Variants in AVEN observed in about 807,000 individuals in gnomAD.
AVEN encodes the protein apoptosis and caspase activation inhibitor.
Under a neutral mutation model 38.1 loss-of-function variants are expected in AVEN, and 41 were observed. That is an observed-to-expected ratio of 1.08 (90% CI 0.84 to 1.40). AVEN has a LOEUF of 1.40. Ranked by LOEUF, AVEN falls within the 40% of genes most tolerant of loss-of-function variation. The probability of loss-of-function intolerance (pLI) is 0.00; values close to 1 mark genes in which losing one functional copy is unlikely to be tolerated. For missense variants in AVEN, 605 were observed against 438.8 expected, an observed-to-expected ratio of 1.38 and a Z score of -3.38; for synonymous variants, 206 against 171.8, an observed-to-expected ratio of 1.20 and a Z score of -1.56.
intron 2 of AVEN, among the ~76,000 whole-genome samples, chr15:33,900,148 T>C (rs1000467846): frequency 3.3e-5 from 5 of 152,116 alleles, no homozygotes; most frequent in African/African-American, 7.2e-5. Flanking sequence ...TCTAGGATAC[T>C]GCAATTATAG....
intron 11 of AVEN, among the ~76,000 whole-genome samples, chr15:33,859,994 C>T (rs1471113862): frequency 6.6e-6 from 1 of 152,172 alleles, no homozygotes; most frequent in African/African-American, 2.4e-5. Context: ...ATTTACTCCT[C>T]ACTTCTGCTT....
chr15:34,019,876 T>C (rs1370591401), intron 1 of AVEN, among the ~76,000 whole-genome samples: 3 of 152,212 alleles, frequency 2.0e-5, no homozygotes, highest in Non-Finnish European at 2.9e-5. Context: ...CATTAAGCAA[T>C]ACATGACTAT....
intron 1 of AVEN, among the ~76,000 whole-genome samples, chr15:34,025,817 C>T (rs1898442043): frequency 6.6e-6 from 1 of 151,918 alleles, no homozygotes. Context: ...GAGAAAAAGA[C>T]AGGCACTGGA....
rs1244600635 is a variant in AVEN at position 33,866,268 on chromosome 15, T to C, written c.*345A>G. On this transcript the variant is annotated 3_prime_UTR_variant, in exon 6 of 6. Transcript: ENST00000306730. ...TGTTTATTTTGGCCAAATGCATGCC[T>C]TGTTTGCATCTATTCTCTTAATCAG... is the stretch of plus-strand genomic sequence containing the variant. The C allele has an allele frequency of 4.3e-6, 1 of 234,790 alleles. No individual in the cohort carries two copies. Among genetic ancestry groups the C allele is most frequent in the Non-Finnish European group, 8.3e-6 (1 of 120,980 alleles). The allele number at this position is 234,790 out of a possible 1,614,324, so 14.5% of individuals were successfully genotyped here. A position where few individuals can be genotyped will look rare whatever the true frequency, so the allele number is the denominator to read the frequency against.
rs1897932648 is a variant in AVEN at position 34,016,845 on chromosome 15, ACACC to A, written c.268-13640_268-13637del. Among the ~76,000 whole-genome samples the A allele has an allele frequency of 2.0e-5, 3 of 152,076 alleles. No individual in the cohort carries two copies. In the South Asian group the frequency reaches 6.2e-4, roughly 31 times the overall value. ...AGGTTCACCAAAATATCACTTGCCAACACCCACGTGTGGTGGCACACGCCTGTAA... is the reference window on the plus strand; with the variant it reads ...AGGTTCACCAAAATATCACTTGCCAACACGTGTGGTGGCACACGCCTGTAA... On this transcript the variant is annotated intron_variant, in intron 1 of 5. Coordinates refer to ENST00000306730, the MANE Select transcript of AVEN (RefSeq NM_020371.3).
At chr15:33,983,536 A>G (rs1367465894) in intron 2 of AVEN, among the ~76,000 whole-genome samples, 1 of 152,106 alleles carries the variant, frequency 6.6e-6, no homozygotes, top group Non-Finnish European at 1.5e-5. Flanking sequence ...GTCCAAGGCA[A>G]TTCTTGGCTT....
chr15:34,026,016 CTA>C lies in AVEN; in HGVS notation c.267+12762_267+12763del, dbSNP rs145723022. 5.3e-3 allele frequency among the ~76,000 whole-genome samples: 813 copies of C among 152,198 alleles called. 15 individuals are homozygous for C. The highest frequency in any genetic ancestry group is 0.018 in the African/African-American group (765 of 41,510). ...ATCGTCTTTTCAAATTGGAATATAT[CTA>C]TGTTTCTGATAATACACAACAGTAA... On this transcript the variant is annotated intron_variant, in intron 1 of 5. Coordinates refer to ENST00000306730, the MANE Select transcript of AVEN (RefSeq NM_020371.3).
chr15:33,961,666 A>G (rs572767993), intron 2 of AVEN, among the ~76,000 whole-genome samples: 28 of 151,714 alleles, frequency 1.8e-4, no homozygotes, highest in South Asian at 1.5e-3. Context: ...ACAAAAAATT[A>G]GCCGGGCGTG....
intron 4 of AVEN, chr15:34,064,355 T>C: frequency 6.4e-7 from 1 of 1,565,056 alleles, no homozygotes; most frequent in Non-Finnish European, 8.6e-7. Flanking sequence ...ATGACCACAG[T>C]CAACATCCTC....
At chr15:33,881,026 C>A (rs934792401) in intron 2 of AVEN, among the ~76,000 whole-genome samples, 1 of 151,734 alleles carries the variant, frequency 6.6e-6, no homozygotes, top group Non-Finnish European at 1.5e-5. Context: ...CAAAATATAA[C>A]ACAATTTAAA....
At chr15:34,002,013 A>G (rs1281167908) in intron 2 of AVEN, among the ~76,000 whole-genome samples, 1 of 152,216 alleles carries the variant, frequency 6.6e-6, no homozygotes, top group Non-Finnish European at 1.5e-5. Flanking sequence ...GTAATTGCAG[A>G]TTCACACACA....
chr15:33,933,506 CACACACACACACACACA>C (rs1893929215), intron 2 of AVEN, among the ~76,000 whole-genome samples: 10 of 118,392 alleles, frequency 8.4e-5, no homozygotes, highest in Non-Finnish European at 1.4e-4. Context: ...CACACACACA[CACACACACACACACACA>C]CAGAGAGAGA....
At chr15:33,968,013 C>T (rs1895458119) in intron 2 of AVEN, among the ~76,000 whole-genome samples, 1 of 130,698 alleles carries the variant, frequency 7.7e-6, no homozygotes, top group Admixed American at 9.1e-5. Flanking sequence ...ATCTCAAAGA[C>T]TTTTAAAAAT....
chr15:33,938,272 G>A (rs1362284484), intron 2 of AVEN, among the ~76,000 whole-genome samples: 4 of 152,022 alleles, frequency 2.6e-5, no homozygotes, highest in East Asian at 1.9e-4. Context: ...TGGCTAACAC[G>A]GTGAAACCCC....
At chr15:33,864,675 G>GA (rs1012949630), downstream of AVEN, 1 of 175,762 alleles carries the variant, frequency 5.7e-6, no homozygotes, top group Non-Finnish European at 1.2e-5. Context: ...AACAAGGGAG[G>GA]AAAAAGTCAG....
intron 2 of AVEN, chr15:34,066,905 T>C (rs1427065514): frequency 6.6e-6 from 1 of 152,124 alleles, no homozygotes; most frequent in East Asian, 1.9e-4. Context: ...CTATGCCTCT[T>C]GACATAGACA....
chr15:33,898,833 G>T (rs1323855724), intron 2 of AVEN, among the ~76,000 whole-genome samples: 1 of 152,166 alleles, frequency 6.6e-6, no homozygotes, highest in Non-Finnish European at 1.5e-5. Context: ...AAGTGCTATG[G>T]TTCAGAAGTC....
At chr15:33,987,446 G>A (rs73385792) in intron 2 of AVEN, among the ~76,000 whole-genome samples, 2,229 of 152,272 alleles carry the variant, frequency 0.015, 69 homozygotes, top group African/African-American at 0.052. Context: ...CACAGTGTTA[G>A]GATGGAATAA....
intron 1 of AVEN, among the ~76,000 whole-genome samples, chr15:34,020,168 A>G (rs1320114797): frequency 6.6e-6 from 1 of 152,004 alleles, no homozygotes; most frequent in Non-Finnish European, 1.5e-5. Flanking sequence ...AAAATTAGCC[A>G]GGCGTGGTGG....
Sources: allele counts gnomAD v4.1 joint callset (sites outside exome capture counted in the v4.1 genomes callset), GRCh38; gene constraint gnomAD v4.1.1; transcripts MANE v1.5; gene names NCBI Gene and HGNC (gene_info 2026-07-23, HGNC 2026-07-21).